Variants in GPC5 observed in about 807,000 individuals in gnomAD.
GPC5 encodes the protein glypican 5, also known as glypican-5.
Under a neutral mutation model 53.9 loss-of-function variants are expected in GPC5, and 47 were observed. That is an observed-to-expected ratio of 0.87 (90% confidence interval 0.69 to 1.11). GPC5 has a LOEUF of 1.11. Among genes scored for constraint, GPC5 ranks in the 50% most tolerant of loss-of-function variants. GPC5 has a pLI of 0.00. For synonymous variants in GPC5, 286 were observed against 263.3 expected (o/e 1.09, Z -0.84); for missense variants, 748 against 713.1 (o/e 1.05, Z -0.56).
At chr13:91,986,333 G>A (rs1329607252) in intron 6 of GPC5, among the ~76,000 whole-genome samples, 1 of 152,002 alleles carries the variant, frequency 6.6e-6, no homozygotes, top group Admixed American at 6.6e-5. Flanking sequence ...CCAAAGTGCT[G>A]GGATTACAGG....
intron 2 of GPC5, among the ~76,000 whole-genome samples, chr13:91,603,065 T>C (rs2033232095): frequency 6.6e-6 from 1 of 152,214 alleles, no homozygotes; most frequent in Non-Finnish European, 1.5e-5. Context: ...GTAGTGGACA[T>C]GTAATATTGT....
At chr13:91,909,474 C>A (rs1248605074) in intron 6 of GPC5, among the ~76,000 whole-genome samples, 1 of 152,134 alleles carries the variant, frequency 6.6e-6, no homozygotes, top group Non-Finnish European at 1.5e-5. Context: ...GAAGAAAAAA[C>A]AGACCTTAAG....
intron 6 of GPC5, among the ~76,000 whole-genome samples, chr13:91,955,934 G>A (rs1167167633): frequency 6.6e-6 from 1 of 152,150 alleles, no homozygotes; most frequent in Non-Finnish European, 1.5e-5. Flanking sequence ...GCACCCTGAG[G>A]ACAGCCTATG....
chr13:92,633,633 CT>C (rs1211726342), intron 7 of GPC5, among the ~76,000 whole-genome samples: 2 of 151,796 alleles, frequency 1.3e-5, no homozygotes. Context: ...TGTTATAATA[CT>C]TTTCTATTGA....
intron 2 of GPC5, among the ~76,000 whole-genome samples, chr13:91,651,672 C>G (rs541627441): frequency 1.3e-5 from 2 of 148,246 alleles, no homozygotes; most frequent in East Asian, 4.0e-4. Context: ...GAGCCAAGAT[C>G]GTGCCATTGC....
intron 7 of GPC5, among the ~76,000 whole-genome samples, chr13:92,853,506 G>A (rs529315361): frequency 2.0e-5 from 3 of 152,094 alleles, no homozygotes; most frequent in African/African-American, 7.2e-5. Flanking sequence ...CCGATAAGGC[G>A]AGAATACTGT....
chr13:92,555,989 T>C (rs1882481334), intron 7 of GPC5, among the ~76,000 whole-genome samples: 1 of 151,648 alleles, frequency 6.6e-6, no homozygotes, highest in African/African-American at 2.4e-5. Context: ...ATAAGTAATC[T>C]TCCTGGGCTG....
chr13:91,885,934 G>T (rs780377228), intron 5 of GPC5, among the ~76,000 whole-genome samples: 3 of 151,802 alleles, frequency 2.0e-5, no homozygotes, highest in Non-Finnish European at 2.9e-5. Context: ...CAGCATGGAG[G>T]TTCCTTTTTC....
At chr13:91,788,377 C>T (rs2037910671) in intron 5 of GPC5, among the ~76,000 whole-genome samples, 1 of 152,120 alleles carries the variant, frequency 6.6e-6, no homozygotes. Flanking sequence ...TTAAGTCCAT[C>T]AATTTGGGGA....
At chr13:92,100,056 A>T (rs560257676) in intron 6 of GPC5, among the ~76,000 whole-genome samples, 3 of 152,286 alleles carry the variant, frequency 2.0e-5, no homozygotes, top group African/African-American at 7.2e-5. Context: ...CTATGACCTG[A>T]GCGTAAACTC....
At position 92,782,701 on chromosome 13, in the gene GPC5, C is replaced by G. The variant is rs9561150; in HGVS notation, c.1562-83581C>G. Among the ~76,000 whole-genome samples, 3,749 of 152,198 alleles carry G rather than the reference C, an allele frequency of 0.025. 377 individuals are homozygous for G. The East Asian group carries it at 0.32, about 13-fold the overall frequency. On this transcript the variant is annotated intron_variant, in intron 7 of 7. Coordinates refer to ENST00000377067, the MANE Select transcript of GPC5 (RefSeq NM_004466.6). ...TATTCTTGCTATCTGTGAATATAGACTGGTTTATTTCTGGTTACTGCACCC... is the reference window on the plus strand; with the variant it reads ...TATTCTTGCTATCTGTGAATATAGAGTGGTTTATTTCTGGTTACTGCACCC...
intron 6 of GPC5, among the ~76,000 whole-genome samples, chr13:92,113,530 A>G (rs543573622): frequency 5.4e-4 from 83 of 152,308 alleles, no homozygotes; most frequent in Admixed American, 1.2e-3. Flanking sequence ...ATTTGTCTTC[A>G]CACAACATAT....
intron 1 of GPC5, among the ~76,000 whole-genome samples, chr13:91,420,841 A>G (rs2138982480): frequency 6.6e-6 from 1 of 152,310 alleles, no homozygotes; most frequent in Non-Finnish European, 1.5e-5. Flanking sequence ...CCCTTCTGCC[A>G]TGATTGTAAG....
At position 92,793,034 on chromosome 13, in the gene GPC5, C is replaced by A. The variant is rs900549164; in HGVS notation, c.1562-73248C>A. Among the ~76,000 whole-genome samples the A allele has an allele frequency of 2.6e-5, 4 of 152,016 alleles. No individual in the cohort carries two copies. The East Asian group carries it at 5.8e-4, about 22-fold the overall frequency. On this transcript the variant is annotated intron_variant, in intron 7 of 7. Transcript: ENST00000377067. ...TGAACTCAGCTCTGCACCAAGCTGACCTAATAGACATCTACAGAACTCTCC... is the reference window on the plus strand; with the variant it reads ...TGAACTCAGCTCTGCACCAAGCTGAACTAATAGACATCTACAGAACTCTCC...
chr13:92,123,082 G>A (rs918356464), intron 6 of GPC5, among the ~76,000 whole-genome samples: 1 of 152,040 alleles, frequency 6.6e-6, no homozygotes, highest in African/African-American at 2.4e-5. Flanking sequence ...ATAACTGATG[G>A]CCAAAATGGA....
chr13:92,050,566 T>G (rs1326510), intron 6 of GPC5, among the ~76,000 whole-genome samples: 149,907 of 152,306 alleles, frequency 0.98, 73,813 homozygotes, highest in Middle Eastern at 1. Context: ...AATGAGAGTA[T>G]TAATGTGTCT....
At chr13:91,444,412 T>C (rs980130326) in intron 1 of GPC5, among the ~76,000 whole-genome samples, 2 of 152,158 alleles carry the variant, frequency 1.3e-5, no homozygotes, top group Non-Finnish European at 2.9e-5. Context: ...CTGTTTCTTA[T>C]TCTCTTTTTT....
At chr13:92,409,543 A>G (rs1875951634) in intron 7 of GPC5, among the ~76,000 whole-genome samples, 1 of 152,084 alleles carries the variant, frequency 6.6e-6, no homozygotes, top group Admixed American at 6.5e-5. Context: ...AAAGATTAAT[A>G]TCTGTTGTGA....
chr13:91,403,310 C>T (rs1877087608), intron 1 of GPC5, among the ~76,000 whole-genome samples: 1 of 152,158 alleles, frequency 6.6e-6, no homozygotes, highest in Admixed American at 6.5e-5. Context: ...GATTGCACAC[C>T]AAAGGGACTC....
Sources: allele counts gnomAD v4.1 joint callset (sites outside exome capture counted in the v4.1 genomes callset), GRCh38; gene constraint gnomAD v4.1.1; transcripts MANE v1.5; gene names NCBI Gene and HGNC (gene_info 2026-07-23, HGNC 2026-07-21).